Variants in HORMAD2 observed in about 807,000 individuals in gnomAD.
HORMAD2 encodes the protein HORMA domain-containing protein 2.
In HORMAD2, 45 loss-of-function variants were observed where a neutral mutation model predicts 38.8. That is an observed-to-expected ratio of 1.16 (90% CI 0.91 to 1.49). The LOEUF (loss-of-function observed/expected upper bound fraction) is 1.49, where lower values mean the gene tolerates loss of function less well. Ranked by LOEUF, HORMAD2 falls within the 40% of genes most tolerant of loss-of-function variation. The pLI is 0.00. For missense variants in HORMAD2, 338 were observed against 367.0 expected, an observed-to-expected ratio of 0.92 and a Z score of 0.65; for synonymous variants, 126 against 122.8, an observed-to-expected ratio of 1.03 and a Z score of -0.17.
the HORMAD2 span, among the ~76,000 whole-genome samples, chr22:30,199,992 T>C: frequency 2.6e-5 from 4 of 152,110 alleles, no homozygotes; most frequent in African/African-American, 9.6e-5. Flanking sequence ...CCTCAGCTCA[T>C]GGCAACCTCT....
Position 30,121,487 on chromosome 22 carries a change from G to T in HORMAD2, c.411-145G>T, listed in dbSNP as rs185154372. 61 of 549,140 alleles carry T rather than the reference G, an allele frequency of 1.1e-4. 1 individual carries two copies. The East Asian group carries it at 1.9e-3, about 17-fold the overall frequency. The allele number at this position is 549,140 out of a possible 1,614,324, so 34.0% of individuals were successfully genotyped here. A position where few individuals can be genotyped will look rare whatever the true frequency, so the allele number is the denominator to read the frequency against. On this transcript the variant is annotated intron_variant, in intron 8 of 10. Coordinates refer to ENST00000336726, the MANE Select transcript of HORMAD2 (RefSeq NM_152510.4). ...TATATACATTGCAAAAAGTACCATCGCTCCCCTAATTTACATTCTAAAAAA... is the reference window on the plus strand; with the variant it reads ...TATATACATTGCAAAAAGTACCATCTCTCCCCTAATTTACATTCTAAAAAA...
the HORMAD2 span, among the ~76,000 whole-genome samples, chr22:30,195,148 G>A: frequency 4.1e-5 from 6 of 145,978 alleles, no homozygotes; most frequent in Non-Finnish European, 8.9e-5. Context: ...AGCTGAGATT[G>A]CGCCATTGCA....
the HORMAD2 span, among the ~76,000 whole-genome samples, chr22:30,203,998 C>A: frequency 6.6e-5 from 10 of 152,298 alleles, no homozygotes; most frequent in South Asian, 2.1e-3. Flanking sequence ...CACACATGTG[C>A]ATCCTCACAT....
At chr22:30,175,620 T>C (rs1744766352) in intron 10 of HORMAD2, among the ~76,000 whole-genome samples, 1 of 152,080 alleles carries the variant, frequency 6.6e-6, no homozygotes, top group Non-Finnish European at 1.5e-5. Context: ...AAGGTTATGG[T>C]TCTTCTTAAT....
At chr22:30,190,295 A>G in the HORMAD2 span, among the ~76,000 whole-genome samples, 1 of 152,210 alleles carries the variant, frequency 6.6e-6, no homozygotes, top group South Asian at 2.1e-4. Flanking sequence ...CCTCCAGACC[A>G]CAAAATTTTC....
chr22:30,159,462 A>G (rs1262067810), intron 10 of HORMAD2, among the ~76,000 whole-genome samples: 2 of 152,258 alleles, frequency 1.3e-5, no homozygotes, highest in Admixed American at 1.3e-4. Flanking sequence ...TTAAGAAAAC[A>G]TATTTGTATA....
intron 10 of HORMAD2, among the ~76,000 whole-genome samples, chr22:30,131,244 A>G (rs1923264192): frequency 1.3e-5 from 2 of 152,344 alleles, no homozygotes; most frequent in East Asian, 1.9e-4. Flanking sequence ...ACTTACACAG[A>G]CAGTGATAAA....
At chr22:30,152,343 T>C (rs762439889) in intron 10 of HORMAD2, among the ~76,000 whole-genome samples, 1 of 151,422 alleles carries the variant, frequency 6.6e-6, no homozygotes, top group African/African-American at 2.4e-5. Flanking sequence ...AACCCAGGTT[T>C]GTGCCACCAT....
chr22:30,109,766 G>A (rs1921487419), intron 5 of HORMAD2, among the ~76,000 whole-genome samples: 1 of 152,208 alleles, frequency 6.6e-6, no homozygotes, highest in South Asian at 2.1e-4. Context: ...AGACATATAA[G>A]ATGTTTTTAC....
chr22:30,138,871 T>C (rs1482952338), intron 10 of HORMAD2, among the ~76,000 whole-genome samples: 1 of 152,202 alleles, frequency 6.6e-6, no homozygotes, highest in Non-Finnish European at 1.5e-5. Context: ...GTTAATTTTA[T>C]GTGTCAACTT....
intron 5 of HORMAD2, among the ~76,000 whole-genome samples, chr22:30,107,471 G>A (rs1034240193): frequency 1.8e-4 from 27 of 152,164 alleles, no homozygotes; most frequent in African/African-American, 6.5e-4. Flanking sequence ...GTTTGAGGCC[G>A]AACACAGTGG....
intron 10 of HORMAD2, among the ~76,000 whole-genome samples, chr22:30,158,491 T>TTTTC (rs992088926): frequency 1.3e-5 from 2 of 151,290 alleles, no homozygotes; most frequent in Admixed American, 6.6e-5. Context: ...TTCTTTTTTC[T>TTTTC]TTTCTTTCTT....
At chr22:30,113,526 G>A (rs557943320) in intron 7 of HORMAD2, among the ~76,000 whole-genome samples, 2 of 152,188 alleles carry the variant, frequency 1.3e-5, no homozygotes, top group East Asian at 3.9e-4. Context: ...GCATGACCCA[G>A]CATGTCTGGC....
chr22:30,177,715 CTTT>C (rs59806772), downstream of HORMAD2, among the ~76,000 whole-genome samples: 2 of 94,866 alleles, frequency 2.1e-5, no homozygotes, highest in African/African-American at 4.0e-5. Context: ...TAAGGAGGAG[CTTT>C]TTTTTTTTTT....
At chr22:30,130,593 T>C (rs999836698) in intron 10 of HORMAD2, among the ~76,000 whole-genome samples, 4 of 142,522 alleles carry the variant, frequency 2.8e-5, no homozygotes, top group South Asian at 2.3e-4. Context: ...TTTCTTTTTT[T>C]TTTTTTTTTT....
At position 30,111,805 on chromosome 22, in the gene HORMAD2, G is replaced by A; in HGVS notation, c.304G>A (p.Ala102Thr). The A allele has an allele frequency of 6.4e-7, 1 of 1,568,966 alleles. No individual in the cohort carries two copies. Among genetic ancestry groups the A allele is most frequent in the Admixed American group, 1.9e-5 (1 of 53,956 alleles). The change falls in exon 6 of 11, where the codon GCA (alanine) becomes ACA (threonine). Residue 102 changes from alanine to threonine, a missense_variant. Ala to Thr is a moderately conservative substitution (Grantham distance 58, BLOSUM62 0). Coordinates refer to ENST00000336726, the MANE Select transcript of HORMAD2 (RefSeq NM_152510.4). ...DALEKRYLRM[A>T]VLTLYTDPMG... is the part of the protein sequence containing the mutation. The stretch of plus-strand genomic sequence containing the variant: ...TTTCTTTCTCTTGAAGCTACGTATG[G>A]CAGTACTGACAGTAAGTACACACTC...
At chr22:30,122,760 T>G (rs1411307514) in intron 10 of HORMAD2, among the ~76,000 whole-genome samples, 1 of 152,132 alleles carries the variant, frequency 6.6e-6, no homozygotes, top group Non-Finnish European at 1.5e-5. Context: ...AACAGTCAGG[T>G]CTCTGATCCC....
At chr22:30,081,638 C>A (rs960280505) in intron 1 of HORMAD2, among the ~76,000 whole-genome samples, 1 of 151,952 alleles carries the variant, frequency 6.6e-6, no homozygotes, top group Non-Finnish European at 1.5e-5. Flanking sequence ...TGCAGTGACG[C>A]AATCTCAGCT....
At chr22:30,137,282 C>A in intron 10 of HORMAD2, 1 of 535,456 alleles carries the variant, frequency 1.9e-6, no homozygotes, top group Non-Finnish European at 3.5e-6. Context: ...CCCTTGAGGC[C>A]ATCAGATGCA....
Sources: allele counts gnomAD v4.1 joint callset (sites outside exome capture counted in the v4.1 genomes callset), GRCh38; gene constraint gnomAD v4.1.1; transcripts MANE v1.5; gene names NCBI Gene and HGNC (gene_info 2026-07-23, HGNC 2026-07-21).